EFR3B: variants seen among roughly 807,000 people sequenced by gnomAD.
EFR3B encodes the protein protein EFR3 homolog B.
EFR3B carries 64 observed loss-of-function variants against 104.7 expected under a neutral mutation model. The ratio of observed to expected loss-of-function variants is 0.61; its 90% CI spans 0.50 to 0.75. The LOEUF (loss-of-function observed/expected upper bound fraction) is 0.75. Ranked by LOEUF, EFR3B falls within the 30% of genes least tolerant of loss-of-function variation. The pLI, the probability that EFR3B is intolerant of heterozygous loss-of-function variation, is 0.00. For missense variants in EFR3B, 750 were observed against 1,078.5 expected (o/e 0.70, Z 4.27); for synonymous variants, 385 against 417.9 (o/e 0.92, Z 0.96).
At position 25,149,736 on chromosome 2, in the gene EFR3B, G is replaced by A. The variant is rs1188319474; in HGVS notation, c.2185G>A (p.Ala729Thr). Reference protein sequence around the residue: ...EEITYETLKKAIVDSVAVEEQ... With the variant: ...EEITYETLKKTIVDSVAVEEQ... ...GATCACCTATGAGACACTGAAGAAA[G>A]CCATTGGTAAGTCAGGGCAAAGGGA... The change falls in exon 20 of 23, where the codon GCC (alanine) becomes ACC (threonine). Residue 729 changes from alanine to threonine, a missense_variant. Transcript: ENST00000403714. The A allele has an allele frequency of 1.3e-6, 2 of 1,551,598 alleles. No individual in the cohort carries two copies. Among genetic ancestry groups the A allele is most frequent in the Non-Finnish European group, 1.7e-6 (2 of 1,146,884 alleles).
chr2:25,112,361 G>C (rs1669745200), intron 4 of EFR3B, among the ~76,000 whole-genome samples: 1 of 152,254 alleles, frequency 6.6e-6, no homozygotes, highest in Admixed American at 6.5e-5. Flanking sequence ...ATGGTGTCCT[G>C]GGGCCAGCAA....
chr2:25,115,104 C>T (rs1380239807), intron 4 of EFR3B, among the ~76,000 whole-genome samples: 3 of 152,098 alleles, frequency 2.0e-5, no homozygotes, highest in Non-Finnish European at 4.4e-5. Context: ...TCGGCTGAGT[C>T]CAGGAAGTCA....
intron 1 of EFR3B, among the ~76,000 whole-genome samples, chr2:25,056,246 G>A (rs1485068289): frequency 5.9e-5 from 9 of 152,124 alleles, no homozygotes; most frequent in Non-Finnish European, 7.4e-5. Context: ...ACTTGGAAGC[G>A]TTAGTTGTAG....
At position 25,143,757 on chromosome 2, in the gene EFR3B, G is replaced by C; in HGVS notation, c.1945G>C (p.Val649Leu). The change falls in exon 18 of 23, where the codon GTG (valine) becomes CTG (leucine). Residue 649 changes from valine (V) to leucine (L), a missense_variant. Physicochemically the swap from Val to Leu is conservative, Grantham distance 32 (BLOSUM62 1). Coordinates refer to ENST00000403714, the MANE Select transcript of EFR3B (RefSeq NM_014971.2). ...CAGGCTGTCTCAGAATCTTGATGGG[G>C]TGGTCATTGAGCTCCTCTTCCGCCA... ...RPRLSQNLDG[V>L]VIELLFRQSK... 6.4e-7 allele frequency: 1 copy of C among 1,551,610 alleles called. No individual in the cohort carries two copies. The highest frequency in any genetic ancestry group is 2.0e-5 in the Admixed American group (1 of 50,984).
At chr2:25,059,981 G>T (rs990842567) in intron 1 of EFR3B, among the ~76,000 whole-genome samples, 1 of 150,722 alleles carries the variant, frequency 6.6e-6, no homozygotes, top group African/African-American at 2.4e-5. Flanking sequence ...GGCATATCAC[G>T]AGGTCAGGAA....
intron 4 of EFR3B, among the ~76,000 whole-genome samples, chr2:25,110,970 T>G (rs1242532451): frequency 6.6e-6 from 1 of 152,254 alleles, no homozygotes; most frequent in African/African-American, 2.4e-5. Context: ...GCAGGTCAGT[T>G]GCTTTGTAGA....
chr2:25,053,692 C>T (rs1667944011), intron 1 of EFR3B, among the ~76,000 whole-genome samples: 2 of 152,138 alleles, frequency 1.3e-5, no homozygotes, highest in Non-Finnish European at 1.5e-5. Context: ...ATCACGAGGT[C>T]AAGAGATTGA....
Position 25,042,594 on chromosome 2 carries a change from T to C in EFR3B, c.7+275T>C. 1.3e-5 allele frequency: 15 copies of C among 1,188,986 alleles called. No individual in the cohort carries two copies. The highest frequency in any genetic ancestry group is 1.6e-5 in the Non-Finnish European group (15 of 960,860). The allele number at this position is 1,188,986 out of a possible 1,614,324, so 73.7% of individuals were successfully genotyped here. ...GCGGAGGCTCAGGGGAAAGCGGGTCTCCCGGAGCCGAGCAGACCGGGAGTG... is the reference window on the plus strand; with the variant it reads ...GCGGAGGCTCAGGGGAAAGCGGGTCCCCCGGAGCCGAGCAGACCGGGAGTG... On this transcript the variant is annotated intron_variant, in intron 1 of 22. Transcript: ENST00000403714. The surrounding 1 kb of genome is among the most constrained non-coding windows in gnomAD (Gnocchi z 5.4).
chr2:25,080,264 C>T, intron 1 of EFR3B: 1 of 629,224 alleles, frequency 1.6e-6, no homozygotes, highest in South Asian at 1.6e-5. Flanking sequence ...AGGAAGCTGG[C>T]TGGAGTCCCT....
chr2:25,129,988 C>A lies in EFR3B; in HGVS notation c.649C>A (p.Pro217Thr). 6.4e-7 allele frequency: 1 copy of A among 1,551,678 alleles called. No individual in the cohort carries two copies. The highest frequency in any genetic ancestry group is 8.7e-7 in the Non-Finnish European group (1 of 1,147,026). ...CTGTCTCCCCAGCCGGTCTCCCTCA[C>A]CCCTCCAAGCACCTGAGAAGGAGAA... The part of the protein sequence containing the change: ...VEEAESRSPS[P>T]LQAPEKEKES... The change falls in exon 7 of 23, where the codon CCC becomes ACC. Residue 217 changes from proline (P) to threonine (T), a missense_variant. By Grantham distance (38) the Pro-to-Thr change is conservative. Transcript: ENST00000403714.
intron 3 of EFR3B, among the ~76,000 whole-genome samples, chr2:25,097,368 A>G (rs768540566): frequency 3.9e-5 from 6 of 152,178 alleles, no homozygotes; most frequent in African/African-American, 7.2e-5. Flanking sequence ...CATCATCATT[A>G]TCTTCCTCAT....
At chr2:25,079,836 A>C in intron 1 of EFR3B, 1 of 825,980 alleles carries the variant, frequency 1.2e-6, no homozygotes, top group Non-Finnish European at 2.1e-6. Context: ...ACAATAACAC[A>C]GAACACAGTA....
rs1348775924 is a variant in EFR3B, at chr2:25,159,076, C to A, written c.*4736C>A. On this transcript the variant is annotated 3_prime_UTR_variant, in exon 23 of 23. Transcript: ENST00000403714. The stretch of plus-strand genomic sequence containing the variant: ...AAAATCATTCTCTAGGACTATTAGT[C>A]GCGATCTCCCAGTGAGCCATCACGA... 6.6e-6 allele frequency: 1 copy of A among 152,144 alleles called. No individual in the cohort carries two copies. The highest frequency in any genetic ancestry group is 2.1e-4 in the South Asian group (1 of 4,830). The allele number at this position is 152,144 out of a possible 1,614,324, so 9.4% of individuals were successfully genotyped here.
chr2:25,087,814 A>T (rs976973451), intron 1 of EFR3B, among the ~76,000 whole-genome samples: 1 of 152,038 alleles, frequency 6.6e-6, no homozygotes, highest in African/African-American at 2.4e-5. Context: ...CCATTTTATC[A>T]GTTCTTTCTG....
intron 1 of EFR3B, among the ~76,000 whole-genome samples, chr2:25,077,984 A>G (rs929503660): frequency 6.6e-6 from 1 of 151,646 alleles, no homozygotes; most frequent in African/African-American, 2.4e-5. Flanking sequence ...CTCACATCTC[A>G]CCTCTTCCAG....
intron 4 of EFR3B, among the ~76,000 whole-genome samples, chr2:25,105,949 G>A (rs548028729): frequency 1.3e-5 from 2 of 152,350 alleles, no homozygotes; most frequent in South Asian, 4.1e-4. Flanking sequence ...CAATGAAGAT[G>A]ATATAAGGAC....
At chr2:25,132,807 G>C in intron 10 of EFR3B, 96 bp from the exon 11 acceptor site, 1 of 1,005,710 alleles carries the variant, frequency 9.9e-7, no homozygotes, top group Non-Finnish European at 1.5e-6. Context: ...TGACTCCGGA[G>C]AGAGGCAGCC....
At chr2:25,091,051 G>T (rs1306975950) in intron 1 of EFR3B, among the ~76,000 whole-genome samples, 1 of 152,200 alleles carries the variant, frequency 6.6e-6, no homozygotes, top group Admixed American at 6.5e-5. Flanking sequence ...GCTCCCTGTG[G>T]CCTGGCCTTG....
intron 3 of EFR3B, among the ~76,000 whole-genome samples, chr2:25,103,042 A>T (rs1669466454): frequency 1.3e-5 from 2 of 152,194 alleles, no homozygotes; most frequent in South Asian, 4.1e-4. Context: ...CAGATTCTTC[A>T]TAAAGATCTT....
Sources: gnomAD v4.1 joint callset for allele counts (sites outside exome capture counted in the v4.1 genomes callset) on GRCh38, gnomAD v4.1.1 for gene constraint, Gnocchi (gnomAD v3.1) non-coding constraint, MANE v1.5 for transcripts, NCBI Gene and HGNC (gene_info 2026-07-23, HGNC 2026-07-21) for gene names.